DPY19L3: variants seen among roughly 807,000 people sequenced by gnomAD.
The protein encoded by DPY19L3 is protein C-mannosyl-transferase DPY19L3.
A neutral mutation model predicts 92.3 loss-of-function variants in DPY19L3; 51 were observed. That is an observed-to-expected ratio of 0.55 (90% CI 0.44 to 0.70). The LOEUF (loss-of-function observed/expected upper bound fraction) is 0.70. DPY19L3 is among the 30% of genes least tolerant of loss of function. DPY19L3 has a pLI of 0.00. For synonymous variants in DPY19L3, 309 were observed against 315.2 expected, an observed-to-expected ratio of 0.98 and a Z score of 0.21; for missense variants, 706 against 855.9, an observed-to-expected ratio of 0.82 and a Z score of 2.18.
chr19:32,429,825 G>T (rs950498251), intron 3 of DPY19L3, among the ~76,000 whole-genome samples: 1 of 152,156 alleles, frequency 6.6e-6, no homozygotes, highest in South Asian at 2.1e-4. Context: ...GCTAGTATTT[G>T]CTCAGTTAAC....
At chr19:32,420,845 CAAT>C (rs754423964) in intron 3 of DPY19L3, among the ~76,000 whole-genome samples, 26 of 152,228 alleles carry the variant, frequency 1.7e-4, no homozygotes, top group South Asian at 8.3e-4. Context: ...TATGTTGTAA[CAAT>C]GATGAAAAAT....
intron 3 of DPY19L3, among the ~76,000 whole-genome samples, chr19:32,414,039 A>T (rs1968290320): frequency 6.6e-6 from 1 of 151,860 alleles, no homozygotes; most frequent in African/African-American, 2.4e-5. Context: ...TTTAAAATGG[A>T]GTGCTGGCAG....
At chr19:32,444,821 G>A (rs994471260) in intron 8 of DPY19L3, among the ~76,000 whole-genome samples, 18 of 152,164 alleles carry the variant, frequency 1.2e-4, no homozygotes, top group South Asian at 2.1e-4. Context: ...AGTGACTCAC[G>A]CCTGTAATCC....
chr19:32,411,210 GTTATT>G, intron 2 of DPY19L3, 24 bp from the exon 3 acceptor site: 3 of 1,594,864 alleles, frequency 1.9e-6, no homozygotes, highest in Non-Finnish European at 2.6e-6. Flanking sequence ...TACTGACTTA[GTTATT>G]TATCTGTTCC....
At chr19:32,433,549 C>G (rs998593268) in intron 4 of DPY19L3, among the ~76,000 whole-genome samples, 1 of 152,024 alleles carries the variant, frequency 6.6e-6, no homozygotes, top group Non-Finnish European at 1.5e-5. Context: ...TCTCAAGTAG[C>G]TGGGACTATG....
At chr19:32,471,669 C>A (rs1334330190) in intron 16 of DPY19L3, among the ~76,000 whole-genome samples, 2 of 152,134 alleles carry the variant, frequency 1.3e-5, no homozygotes, top group African/African-American at 4.8e-5. Context: ...CACAGGGCTT[C>A]CGCTTGGAGA....
intron 18 of DPY19L3, chr19:32,481,322 T>C (rs1286531638): frequency 6.6e-6 from 1 of 152,274 alleles, no homozygotes; most frequent in Non-Finnish European, 1.5e-5. Flanking sequence ...AGGAGAATCA[T>C]AGTTCATAAC....
At chr19:32,413,929 G>T (rs888950624) in intron 3 of DPY19L3, among the ~76,000 whole-genome samples, 4 of 151,982 alleles carry the variant, frequency 2.6e-5, no homozygotes, top group Non-Finnish European at 5.9e-5. Flanking sequence ...CTACTATGTT[G>T]CCCAGGCTGT....
chr19:32,429,521 A>G (rs1968889143), intron 3 of DPY19L3, among the ~76,000 whole-genome samples: 1 of 152,252 alleles, frequency 6.6e-6, no homozygotes, highest in Admixed American at 6.5e-5. Context: ...TTTACTAATT[A>G]GGTCCCCCTC....
At chr19:32,457,069 C>G (rs1435594191) in intron 10 of DPY19L3, among the ~76,000 whole-genome samples, 1 of 152,140 alleles carries the variant, frequency 6.6e-6, no homozygotes, top group Non-Finnish European at 1.5e-5. Flanking sequence ...ATACACAGTT[C>G]TTGCATTGGC....
At chr19:32,469,831 A>G (rs534905372) in intron 16 of DPY19L3, among the ~76,000 whole-genome samples, 1 of 152,358 alleles carries the variant, frequency 6.6e-6, no homozygotes, top group African/African-American at 2.4e-5. Flanking sequence ...TTTTCTACCC[A>G]GAGCACCATT....
intron 16 of DPY19L3, among the ~76,000 whole-genome samples, chr19:32,471,499 A>G (rs141334029): frequency 6.6e-6 from 1 of 152,336 alleles, no homozygotes; most frequent in Non-Finnish European, 1.5e-5. Flanking sequence ...GGACACCTCA[A>G]GTGACCCTCC....
intron 16 of DPY19L3, among the ~76,000 whole-genome samples, chr19:32,475,623 A>T (rs1304775269): frequency 6.6e-6 from 1 of 152,276 alleles, no homozygotes; most frequent in Non-Finnish European, 1.5e-5. Flanking sequence ...TAAGGGTAGC[A>T]CAGTACACAA....
Position 32,463,460 on chromosome 19 carries a change from TTTGGATTC to T in DPY19L3, c.1422_1429del (p.Phe475IlefsTer24), listed in dbSNP as rs1190737662. 2 of 1,613,402 alleles carry T rather than the reference TTTGGATTC, an allele frequency of 1.2e-6. No individual in the cohort carries two copies. The highest frequency in any genetic ancestry group is 1.7e-6 in the Non-Finnish European group (2 of 1,179,698). ...CTACAACTTAATACATACCATTCTG[TTTGGATTC>T]TTGGCATTGAGTACAATGAGGTATT... On this transcript the variant is annotated frameshift_variant, in exon 13 of 19. Transcript: ENST00000392250. LOFTEE classifies it high-confidence loss of function.
Position 32,434,945 on chromosome 19 carries a change from A to G in DPY19L3, c.329-1501A>G, listed in dbSNP as rs530687306. Among the ~76,000 whole-genome samples, 213 of 152,278 alleles carry G rather than the reference A, an allele frequency of 1.4e-3. 2 individuals carry two copies. The highest frequency in any genetic ancestry group is 5.0e-3 in the African/African-American group (207 of 41,558). ...CAACTCTTAGGTTGGAGAGTTATCC[A>G]TCCATAACACTCCTGTGTTAGACTT... On this transcript the variant is annotated intron_variant, in intron 4 of 18. Transcript: ENST00000392250.
chr19:32,444,967 C>T (rs1969438950), intron 8 of DPY19L3, among the ~76,000 whole-genome samples: 1 of 150,632 alleles, frequency 6.6e-6, no homozygotes, highest in Non-Finnish European at 1.5e-5. Flanking sequence ...TAGCAACGTG[C>T]CTGAGGTCTC....
Position 32,480,271 on chromosome 19 carries a change from G to T in DPY19L3, c.1831-128G>T, listed in dbSNP as rs535525258. 314 of 1,034,798 alleles carry T rather than the reference G, an allele frequency of 3.0e-4. 1 individual carries two copies. In the African/African-American group the frequency reaches 4.3e-3, roughly 14 times the overall value. The allele number at this position is 1,034,798 out of a possible 1,614,324, so 64.1% of individuals were successfully genotyped here. The stretch of plus-strand genomic sequence containing the variant: ...CCTGCAAATGAGCGAGTGCAGCGTG[G>T]CCTGGGCTGGAGAGAGCACCTTGGG... On this transcript the variant is annotated intron_variant, in intron 17 of 18. Transcript: ENST00000392250.
chr19:32,447,145 T>C (rs558447955), intron 8 of DPY19L3, among the ~76,000 whole-genome samples: 2 of 152,288 alleles, frequency 1.3e-5, no homozygotes, highest in African/African-American at 4.8e-5. Flanking sequence ...TATATAAAGA[T>C]ATACACTAAA....
In DPY19L3 at chr19:32,480,379, AT is replaced by A. The variant is rs772275850; in HGVS notation, c.1831-15del. ...AGTCAAGTAGCATTTGCCACATTGC[AT>A]TTTTATGTCTTTTTGAAGGTTTATC... On this transcript the variant is annotated intron_variant, in intron 17 of 18. Coordinates refer to ENST00000392250, the MANE Select transcript of DPY19L3 (RefSeq NM_001172774.2). 1.9e-6 allele frequency: 3 copies of A among 1,598,710 alleles called. No homozygotes were observed. Among genetic ancestry groups the A allele is most frequent in the Non-Finnish European group, 2.6e-6 (3 of 1,173,112 alleles).
Sources: allele counts gnomAD v4.1 joint callset (sites outside exome capture counted in the v4.1 genomes callset), GRCh38; gene constraint gnomAD v4.1.1; transcripts MANE v1.5; gene names NCBI Gene and HGNC (gene_info 2026-07-23, HGNC 2026-07-21).